Variants in ARNT2 observed in about 807,000 individuals in gnomAD.
ARNT2 encodes aryl hydrocarbon receptor nuclear translocator 2.
A neutral mutation model predicts 91.7 loss-of-function variants in ARNT2; 36 were observed. The observed-to-expected ratio is 0.39, with a 90% CI of 0.30 to 0.52. ARNT2 has a LOEUF of 0.52. Ranked by LOEUF, ARNT2 falls within the 20% of genes least tolerant of loss-of-function variation. ARNT2 has a pLI of 0.72. For synonymous variants in ARNT2, 365 were observed against 347.1 expected (o/e 1.05, Z -0.57); for missense variants, 775 against 939.3 (o/e 0.83, Z 2.29).
intron 6 of ARNT2, among the ~76,000 whole-genome samples, chr15:80,511,274 G>A (rs764216000): frequency 3.7e-4 from 56 of 152,134 alleles, no homozygotes; most frequent in Non-Finnish European, 7.8e-4. Context: ...ATTAACACAG[G>A]AATGAAAAAC....
At chr15:80,558,734 A>G (rs1408574490) in intron 11 of ARNT2, among the ~76,000 whole-genome samples, 1 of 152,244 alleles carries the variant, frequency 6.6e-6, no homozygotes, top group East Asian at 1.9e-4. Context: ...ATCAAAACCC[A>G]TAGCAACTGA....
chr15:80,429,569 C>T (rs769028801), intron 1 of ARNT2, among the ~76,000 whole-genome samples: 3 of 152,192 alleles, frequency 2.0e-5, no homozygotes, highest in Non-Finnish European at 2.9e-5. Flanking sequence ...GAAAGTGGTT[C>T]TGGGAGCTGA....
At position 80,446,010 on chromosome 15, in the gene ARNT2, G is replaced by A. The variant is rs563713693; in HGVS notation, c.32-4870G>A. On this transcript the variant is annotated intron_variant, in intron 1 of 18. Coordinates refer to ENST00000303329, the MANE Select transcript of ARNT2 (RefSeq NM_014862.4). ...CTAAGTGGTGTTAGCATCTGTGTGT[G>A]TGTATTTTTATTGAACACTTACATG... Among the ~76,000 whole-genome samples the A allele has an allele frequency of 3.3e-5, 5 of 152,254 alleles. No homozygotes were observed. In the South Asian group the frequency reaches 8.3e-4, roughly 25 times the overall value.
intron 1 of ARNT2, among the ~76,000 whole-genome samples, chr15:80,419,038 T>A (rs920929747): frequency 6.6e-6 from 1 of 152,168 alleles, no homozygotes; most frequent in African/African-American, 2.4e-5. Flanking sequence ...AGCTGAATAT[T>A]CCAGCACTGG....
At position 80,437,003 on chromosome 15, in the gene ARNT2, C is replaced by T. The variant is rs192013601; in HGVS notation, c.32-13877C>T. Among the ~76,000 whole-genome samples the T allele has an allele frequency of 2.2e-4, 33 of 152,232 alleles. No individual in the cohort carries two copies. The East Asian group carries it at 6.2e-3, about 28-fold the overall frequency. Reference sequence around the variant, plus strand: ...TGTTTGGCACCTCTGGTTCCCAGAGCTCTCTGGATTTACCTGCTGTGTCAC... The same window carrying T: ...TGTTTGGCACCTCTGGTTCCCAGAGTTCTCTGGATTTACCTGCTGTGTCAC... On this transcript the variant is annotated intron_variant, in intron 1 of 18. Transcript: ENST00000303329.
intron 2 of ARNT2, among the ~76,000 whole-genome samples, chr15:80,451,613 C>G (rs753308679): frequency 2.6e-5 from 4 of 152,132 alleles, no homozygotes; most frequent in Non-Finnish European, 5.9e-5. Context: ...TGGCTGTACA[C>G]AGACCTGAAA....
Position 80,481,189 on chromosome 15 carries a change from C to G in ARNT2, c.622+5966C>G, listed in dbSNP as rs1426212527. Reference sequence around the variant, plus strand: ...ATGGAAATCCAGAGATATTTTCAGCCTTGGATCACAGGATTTGGCTAGGCT... The same window carrying G: ...ATGGAAATCCAGAGATATTTTCAGCGTTGGATCACAGGATTTGGCTAGGCT... On this transcript the variant is annotated intron_variant, in intron 5 of 18. Coordinates refer to ENST00000303329, the MANE Select transcript of ARNT2 (RefSeq NM_014862.4). Among the ~76,000 whole-genome samples, 3 of 152,290 alleles carry G rather than the reference C, an allele frequency of 2.0e-5. No individual in the cohort carries two copies. The East Asian group carries it at 5.8e-4, about 29-fold the overall frequency.
intron 1 of ARNT2, among the ~76,000 whole-genome samples, chr15:80,432,388 G>A (rs1896024200): frequency 6.6e-6 from 1 of 152,112 alleles, no homozygotes; most frequent in Non-Finnish European, 1.5e-5. Context: ...GCCATGAGCT[G>A]AGAATAATTT....
intron 1 of ARNT2, among the ~76,000 whole-genome samples, chr15:80,431,029 T>C (rs930270458): frequency 6.6e-6 from 1 of 152,090 alleles, no homozygotes; most frequent in Non-Finnish European, 1.5e-5. Context: ...TATCTTCATT[T>C]ATATCCTTCC....
chr15:80,568,876 A>G (rs1041418855), intron 12 of ARNT2, among the ~76,000 whole-genome samples: 3 of 152,150 alleles, frequency 2.0e-5, no homozygotes, highest in Admixed American at 6.5e-5. Flanking sequence ...CCTGCCTTCC[A>G]TCAGGCCCCT....
Position 80,597,023 on chromosome 15 carries a change from T to C in ARNT2, c.*3325T>C, listed in dbSNP as rs1440238677. Reference sequence around the variant, plus strand: ...CATACCAGATTCTACACTGTTGTTATTTCATGAGACGTGAATGTTGCAGAG... The same window carrying C: ...CATACCAGATTCTACACTGTTGTTACTTCATGAGACGTGAATGTTGCAGAG... On this transcript the variant is annotated 3_prime_UTR_variant, in exon 19 of 19. Transcript: ENST00000303329. The C allele has an allele frequency of 9.8e-6, 4 of 409,778 alleles. No individual in the cohort carries two copies. The highest frequency in any genetic ancestry group is 8.3e-5 in the Admixed American group (3 of 36,076). 25.4% of individuals were successfully genotyped at this position (409,778 alleles called of 1,614,324 possible). A position where few individuals can be genotyped will look rare whatever the true frequency, so the allele number is the denominator to read the frequency against.
intron 5 of ARNT2, among the ~76,000 whole-genome samples, chr15:80,501,824 C>T (rs1181189684): frequency 3.3e-5 from 5 of 152,156 alleles, no homozygotes; most frequent in African/African-American, 4.8e-5. Context: ...ACTGAGGATC[C>T]GAGAAATGAA....
At chr15:80,495,262 A>C (rs1412323679) in intron 5 of ARNT2, among the ~76,000 whole-genome samples, 2 of 152,184 alleles carry the variant, frequency 1.3e-5, no homozygotes, top group Non-Finnish European at 2.9e-5. Flanking sequence ...GGTCAGCAGG[A>C]GCCCATTCTG....
intron 12 of ARNT2, among the ~76,000 whole-genome samples, chr15:80,572,472 A>G (rs1350991640): frequency 6.6e-6 from 1 of 151,424 alleles, no homozygotes; most frequent in African/African-American, 2.4e-5. Flanking sequence ...CATCCTAGAT[A>G]ACAAAGGCTT....
At position 80,489,710 on chromosome 15, in the gene ARNT2, A is replaced by T. The variant is rs116734994; in HGVS notation, c.622+14487A>T. Among the ~76,000 whole-genome samples the T allele has an allele frequency of 3.6e-3, 551 of 152,280 alleles. 3 individuals are homozygous for T. The highest frequency in any genetic ancestry group is 0.013 in the African/African-American group (531 of 41,564). The stretch of plus-strand genomic sequence containing the variant: ...TTCTACACTGGAACAGTGCACTTGT[A>T]CTCAGTTTGAAGTTATCCCCAGTAA... On this transcript the variant is annotated intron_variant, in intron 5 of 18. Transcript: ENST00000303329.
At chr15:80,515,797 T>C (rs1897424818) in intron 8 of ARNT2, among the ~76,000 whole-genome samples, 1 of 151,580 alleles carries the variant, frequency 6.6e-6, no homozygotes, top group African/African-American at 2.4e-5. Context: ...CAGAATGTAG[T>C]ATATATATCT....
intron 1 of ARNT2, among the ~76,000 whole-genome samples, chr15:80,415,632 G>T (rs781070683): frequency 6.6e-6 from 1 of 152,202 alleles, no homozygotes; most frequent in Non-Finnish European, 1.5e-5. Flanking sequence ...CGTGAGGGAC[G>T]TGGAGGCCCG....
At chr15:80,506,291 A>G (rs1447269821) in intron 5 of ARNT2, among the ~76,000 whole-genome samples, 1 of 152,242 alleles carries the variant, frequency 6.6e-6, no homozygotes, top group Non-Finnish European at 1.5e-5. Context: ...CCATGTCAAG[A>G]GGTGCAGGCA....
At chr15:80,434,075 G>C (rs1896052165) in intron 1 of ARNT2, 1 of 152,232 alleles carries the variant, frequency 6.6e-6, no homozygotes, top group African/African-American at 2.4e-5. Flanking sequence ...AAAGGCAGAG[G>C]GAAAGTTAGA....
Sources: gnomAD v4.1 joint callset for allele counts (sites outside exome capture counted in the v4.1 genomes callset) on GRCh38, gnomAD v4.1.1 for gene constraint, MANE v1.5 for transcripts, NCBI Gene and HGNC (gene_info 2026-07-23, HGNC 2026-07-21) for gene names.